VWA8: variants seen among roughly 807,000 people sequenced by gnomAD.
VWA8 encodes the protein von Willebrand factor A domain containing 8, also known as von Willebrand factor A domain-containing protein 8.
A neutral mutation model predicts 241.5 loss-of-function variants in VWA8; 221 were observed. That is an observed-to-expected ratio of 0.91 (90% CI 0.82 to 1.02). VWA8 has a LOEUF of 1.02. Among genes scored for constraint, VWA8 ranks in the 50% least tolerant of loss-of-function variants. The pLI, the probability that VWA8 is intolerant of heterozygous loss-of-function variation, is 0.00. For synonymous variants in VWA8, 852 were observed against 827.1 expected, an observed-to-expected ratio of 1.03 and a Z score of -0.52; for missense variants, 2,322 against 2,328.7, an observed-to-expected ratio of 1.00 and a Z score of 0.06.
chr13:41,823,973 T>A (rs562885094), intron 14 of VWA8, among the ~76,000 whole-genome samples: 1 of 152,308 alleles, frequency 6.6e-6, no homozygotes, highest in Admixed American at 6.5e-5. Flanking sequence ...GGCATCAAAG[T>A]ATTCCTAATT....
chr13:41,648,307 A>C (rs1370142142), intron 37 of VWA8, among the ~76,000 whole-genome samples: 1 of 152,178 alleles, frequency 6.6e-6, no homozygotes, highest in Non-Finnish European at 1.5e-5. Context: ...TTCAGGTTTT[A>C]AAAATATTTC....
chr13:41,857,590 C>T, intron 12 of VWA8, among the ~76,000 whole-genome samples: 1 of 152,108 alleles, frequency 6.6e-6, no homozygotes, highest in Admixed American at 6.5e-5. Context: ...CACTAAAATT[C>T]ATTGTAATTT....
At chr13:41,613,476 T>G (rs1436926107) in intron 38 of VWA8, among the ~76,000 whole-genome samples, 1 of 152,038 alleles carries the variant, frequency 6.6e-6, no homozygotes, top group Non-Finnish European at 1.5e-5. Flanking sequence ...TGAGTATGGG[T>G]GGATCATGAA....
At chr13:41,943,012 G>T (rs1448944693) in intron 2 of VWA8, among the ~76,000 whole-genome samples, 1 of 152,206 alleles carries the variant, frequency 6.6e-6, no homozygotes, top group Non-Finnish European at 1.5e-5. Flanking sequence ...CAGCTATACA[G>T]CAAAGAGATT....
intron 20 of VWA8, among the ~76,000 whole-genome samples, chr13:41,773,898 C>T (rs1868453956): frequency 6.6e-6 from 1 of 152,126 alleles, no homozygotes; most frequent in Admixed American, 6.5e-5. Flanking sequence ...GTCTCTGATC[C>T]TGTCATTATA....
At chr13:41,646,443 T>C (rs1408020740) in intron 37 of VWA8, among the ~76,000 whole-genome samples, 1 of 152,218 alleles carries the variant, frequency 6.6e-6, no homozygotes, top group East Asian at 1.9e-4. Flanking sequence ...ATTCTCCATA[T>C]TAGGTATTAT....
At chr13:41,675,494 T>C (rs916400219) in intron 35 of VWA8, among the ~76,000 whole-genome samples, 198 bp from the exon 36 acceptor site, 1 of 152,336 alleles carries the variant, frequency 6.6e-6, no homozygotes, top group African/African-American at 2.4e-5. Flanking sequence ...GATTCTTTAC[T>C]GTCAGAAAAC....
chr13:41,787,636 A>T (rs1766056372), intron 17 of VWA8, 93 bp from the exon 18 acceptor site: 5 of 754,946 alleles, frequency 6.6e-6, no homozygotes, highest in Non-Finnish European at 1.1e-5. Flanking sequence ...ACACACACAC[A>T]CTCCTTACTA....
intron 17 of VWA8, among the ~76,000 whole-genome samples, chr13:41,794,972 G>T (rs943680749): frequency 2.0e-5 from 3 of 152,062 alleles, no homozygotes; most frequent in African/African-American, 4.8e-5. Flanking sequence ...AAACTAAAGA[G>T]CTTCTGCACA....
chr13:41,613,865 GA>G lies in VWA8; in HGVS notation c.4720+1110del, dbSNP rs529841833. ...TTCTGAGGGAAAAGAATGGCAGAGAGAAAAAGAGAAATTGAAGCCAAGGAGC... is the reference window on the plus strand; with the variant it reads ...TTCTGAGGGAAAAGAATGGCAGAGAGAAAAGAGAAATTGAAGCCAAGGAGC... On this transcript the variant is annotated intron_variant, in intron 38 of 44. Transcript: ENST00000379310. 1.7e-4 allele frequency among the ~76,000 whole-genome samples: 26 copies of G among 152,254 alleles called. No individual in the cohort carries two copies. In the East Asian group the frequency reaches 4.6e-3, roughly 27 times the overall value.
chr13:41,886,324 A>G (rs993702286), intron 7 of VWA8, among the ~76,000 whole-genome samples: 1 of 152,038 alleles, frequency 6.6e-6, no homozygotes, highest in Non-Finnish European at 1.5e-5. Flanking sequence ...AGCCTCCAAG[A>G]GTTTTTTATG....
At chr13:41,784,701 T>TACATATACATATACATATAC (rs199525785) in intron 18 of VWA8, among the ~76,000 whole-genome samples, 830 of 69,806 alleles carry the variant, frequency 0.012, 28 homozygotes, top group Middle Eastern at 0.019. Context: ...CATATACATA[T>TACATATACATATACATATAC]ATATATATAT....
At chr13:41,787,584 C>T in intron 17 of VWA8, 41 bp from the exon 18 acceptor site, 1 of 1,264,802 alleles carries the variant, frequency 7.9e-7, no homozygotes, top group South Asian at 1.2e-5. Flanking sequence ...TGGCTTAAGT[C>T]AAAGCTTTCT....
chr13:41,872,373 T>G (rs1296386976), intron 9 of VWA8, among the ~76,000 whole-genome samples: 1 of 152,248 alleles, frequency 6.6e-6, no homozygotes, highest in Non-Finnish European at 1.5e-5. Context: ...AGACATGAAG[T>G]CCTTGCCCAT....
Position 41,611,566 on chromosome 13 carries a change from G to A in VWA8, c.4877+10C>T, listed in dbSNP as rs925998468. On this transcript the variant is annotated intron_variant, in intron 39 of 44. Coordinates refer to ENST00000379310, the MANE Select transcript of VWA8 (RefSeq NM_015058.2). ...AGTAGTGCTGGTCTAAATGTGATGG[G>A]AGCACTGACCTCTGCTGGAATGCTC... 1.9e-5 allele frequency: 31 copies of A among 1,613,506 alleles called. No individual in the cohort carries two copies. The highest frequency in any genetic ancestry group is 2.5e-5 in the Non-Finnish European group (30 of 1,179,674).
intron 15 of VWA8, 23 bp from the exon 16 acceptor site, chr13:41,816,798 A>G: frequency 6.4e-7 from 1 of 1,563,918 alleles, no homozygotes; most frequent in Non-Finnish European, 8.8e-7. Context: ...AGAGTTGAGG[A>G]CAAACAGAAG....
At chr13:41,838,896 T>C (rs752696342) in intron 12 of VWA8, among the ~76,000 whole-genome samples, 5 of 152,226 alleles carry the variant, frequency 3.3e-5, no homozygotes, top group African/African-American at 7.2e-5. Flanking sequence ...CAGTCTATCA[T>C]TGATGGGCAT....
At chr13:41,892,994 C>A (rs1481575376) in intron 4 of VWA8, among the ~76,000 whole-genome samples, 1 of 152,190 alleles carries the variant, frequency 6.6e-6, no homozygotes, top group Middle Eastern at 3.2e-3. Flanking sequence ...AACTGGTTAT[C>A]TCCTTCTACA....
intron 23 of VWA8, among the ~76,000 whole-genome samples, chr13:41,728,533 G>A (rs2045455534): frequency 6.6e-6 from 1 of 151,720 alleles, no homozygotes; most frequent in Admixed American, 6.6e-5. Flanking sequence ...CTACAACTGT[G>A]TTTCAGCAAT....
Sources: allele counts gnomAD v4.1 joint callset (sites outside exome capture counted in the v4.1 genomes callset), GRCh38; gene constraint gnomAD v4.1.1; transcripts MANE v1.5; gene names NCBI Gene and HGNC (gene_info 2026-07-23, HGNC 2026-07-21).